Variants in PDE4D observed in about 807,000 individuals in gnomAD.
The protein encoded by PDE4D is 3',5'-cyclic-AMP phosphodiesterase 4D.
PDE4D carries 24 observed loss-of-function variants against 87.4 expected under a neutral mutation model. The observed-to-expected ratio is 0.27, with a 90% CI of 0.20 to 0.39. PDE4D has a LOEUF of 0.39. PDE4D is among the 10% of genes least tolerant of loss of function. PDE4D has a pLI of 1.00. For synonymous variants in PDE4D, 384 were observed against 383.2 expected (o/e 1.00, Z -0.02); for missense variants, 714 against 1,041.0 (o/e 0.69, Z 4.32).
chr5:59,008,945 A>G (rs928671090), intron 6 of PDE4D, among the ~76,000 whole-genome samples: 15 of 152,140 alleles, frequency 9.9e-5, no homozygotes, highest in African/African-American at 3.6e-4. Context: ...TAAGAATCAA[A>G]AAGATCAATA....
intron 1 of PDE4D, among the ~76,000 whole-genome samples, chr5:59,460,090 TAGAA>T (rs145143063): frequency 0.11 from 16,264 of 151,696 alleles, 898 homozygotes; most frequent in Middle Eastern, 0.12. Context: ...TAGACATAAG[TAGAA>T]AGAAAGTAGA....
At chr5:59,502,923 T>G (rs1399440558) in intron 1 of PDE4D, among the ~76,000 whole-genome samples, 6 of 143,408 alleles carry the variant, frequency 4.2e-5, no homozygotes, top group African/African-American at 1.4e-4. Context: ...TTTTTTTTTT[T>G]GCTGAAATTG....
At position 59,518,193 on chromosome 5, in the gene PDE4D, T is replaced by TCGTGTG. The variant is rs35039897; in HGVS notation, c.456-302226_456-302225insCACACG. Among the ~76,000 whole-genome samples the TCGTGTG allele has an allele frequency of 7.3e-3, 1,099 of 149,538 alleles. 6 individuals carry two copies. Among genetic ancestry groups the TCGTGTG allele is most frequent in the South Asian group, 0.016 (74 of 4,674 alleles). On this transcript the variant is annotated intron_variant, in intron 1 of 14. Transcript: ENST00000340635. ...AGTATATATGTATGTACTTGTGTGT[T>TCGTGTG]TGTGTGTGTGTGTGTGTGTGTGTGT...
At chr5:60,235,927 C>T (rs1746375442) in intron 1 of PDE4D, among the ~76,000 whole-genome samples, 1 of 151,876 alleles carries the variant, frequency 6.6e-6, no homozygotes, top group African/African-American at 2.4e-5. Flanking sequence ...TGAAACAATT[C>T]ATCCCCACAC....
Position 60,148,320 on chromosome 5 carries a change from A to G in PDE4D, c.42+37237T>C, listed in dbSNP as rs377605249. ...ATTTAACCAACTGGGGATTAAAAAT[A>G]TTCCACAAAAGTAACAATACAACCA... On this transcript the variant is annotated intron_variant, in intron 2 of 16. Coordinates refer to the PDE4D transcript ENST00000502484. Among the ~76,000 whole-genome samples, 23 of 152,338 alleles carry G rather than the reference A, an allele frequency of 1.5e-4. 1 individual carries two copies. In the East Asian group the frequency reaches 3.5e-3, roughly 23 times the overall value.
At chr5:60,227,520 T>G (rs1394891169) in intron 1 of PDE4D, among the ~76,000 whole-genome samples, 2 of 137,172 alleles carry the variant, frequency 1.5e-5, no homozygotes, top group African/African-American at 2.8e-5. Context: ...GAAATAAGGG[T>G]AGAAGGGAGG....
chr5:58,977,421 T>A, intron 11 of PDE4D, 76 bp from the exon 12 acceptor site: 2 of 1,413,134 alleles, frequency 1.4e-6, no homozygotes, highest in Non-Finnish European at 1.9e-6. Context: ...AATTCTGGAT[T>A]TAGGATGTAA....
At chr5:59,357,085 A>C (rs1373182908) in intron 1 of PDE4D, 2 of 407,398 alleles carry the variant, frequency 4.9e-6, no homozygotes, top group African/African-American at 2.1e-5. Flanking sequence ...TGCTTCACTC[A>C]GGCCTTATCT....
chr5:60,046,414 G>C (rs1381756102), intron 2 of PDE4D, among the ~76,000 whole-genome samples: 1 of 152,172 alleles, frequency 6.6e-6, no homozygotes. Flanking sequence ...TTGAATAGGA[G>C]GGGTGAGAGA....
rs1254220543 is a variant in PDE4D at position 58,988,552 on chromosome 5, G to A, written c.1493C>T (p.Ala498Val). The A allele has an allele frequency of 2.0e-6, 3 of 1,500,698 alleles. No individual in the cohort carries two copies. The highest frequency in any genetic ancestry group is 1.4e-5 in the South Asian group (1 of 73,932). The allele number at this position is 1,500,698 out of a possible 1,614,324, so 93.0% of individuals were successfully genotyped here. A position where few individuals can be genotyped will look rare whatever the true frequency, so the allele number is the denominator to read the frequency against. Residue 498 changes from alanine to valine, a missense_variant, in exon 11 of 15, where the codon GCC becomes GTC. Ala to Val is a moderately conservative substitution (Grantham distance 64). Coordinates refer to ENST00000340635, the MANE Select transcript of PDE4D (RefSeq NM_001104631.2). ...TDLEILAAIF[A>V]SAIHDVDHPG... ...ATGATCTACATCATGTATTGCACTGGCAAAAATTGCTGCAAGAATCTCCAA... is the reference window on the plus strand; with the variant it reads ...ATGATCTACATCATGTATTGCACTGACAAAAATTGCTGCAAGAATCTCCAA...
At chr5:59,689,069 C>T (rs1400815860) in intron 1 of PDE4D, among the ~76,000 whole-genome samples, 1 of 152,112 alleles carries the variant, frequency 6.6e-6, no homozygotes, top group African/African-American at 2.4e-5. Context: ...GAAATTGAGG[C>T]AATAATTAAT....
At chr5:60,097,265 T>TTGTGTGTGTGTGTGTGTGTG (rs57591657) in intron 2 of PDE4D, among the ~76,000 whole-genome samples, 52 of 146,568 alleles carry the variant, frequency 3.5e-4, no homozygotes, top group African/African-American at 9.9e-4. Context: ...TGCTATGAAG[T>TTGTGTGTGTGTGTGTGTGTG]TGTGTGTGTG....
chr5:59,059,630 C>T (rs534409461), intron 5 of PDE4D, among the ~76,000 whole-genome samples: 22 of 152,204 alleles, frequency 1.4e-4, no homozygotes, highest in East Asian at 1.2e-3. Context: ...CAATCTTTAA[C>T]GCTGGAAATC....
At chr5:60,517,376 C>T (rs185124063) in intron 1 of PDE4D, among the ~76,000 whole-genome samples, 9 of 152,350 alleles carry the variant, frequency 5.9e-5, no homozygotes, top group South Asian at 2.1e-4. Flanking sequence ...GAAGCCCCAC[C>T]GTTAGGCCTG....
At chr5:59,215,129 T>C (rs1157119003) in intron 2 of PDE4D, among the ~76,000 whole-genome samples, 1 of 152,076 alleles carries the variant, frequency 6.6e-6, no homozygotes, top group African/African-American at 2.4e-5. Flanking sequence ...ACTGAGAAAA[T>C]GAGCTAGTGA....
chr5:60,460,223 T>A, intron 1 of PDE4D: 1 of 1,419,544 alleles, frequency 7.0e-7, no homozygotes, highest in Non-Finnish European at 9.9e-7. Flanking sequence ...TTTCCAGATT[T>A]CCATTTCATT....
intron 1 of PDE4D, among the ~76,000 whole-genome samples, chr5:59,311,183 T>C (rs887185423): frequency 6.6e-6 from 1 of 151,994 alleles, no homozygotes; most frequent in Non-Finnish European, 1.5e-5. Flanking sequence ...CCAGGATGAA[T>C]GGGGGATGCC....
At chr5:60,035,263 A>C (rs1447955878) in intron 2 of PDE4D, among the ~76,000 whole-genome samples, 1 of 152,150 alleles carries the variant, frequency 6.6e-6, no homozygotes, top group Non-Finnish European at 1.5e-5. Flanking sequence ...CTCAAAAAAA[A>C]AAAAAAAGGG....
intron 2 of PDE4D, among the ~76,000 whole-genome samples, chr5:60,143,603 T>TTTTGTGTGTGTG (rs1780730543): frequency 5.1e-5 from 6 of 117,754 alleles, no homozygotes; most frequent in African/African-American, 1.7e-4. Context: ...AGCTTGGGAA[T>TTTTGTGTGTGTG]TGTGTGTGTG....
Sources: allele counts gnomAD v4.1 joint callset (sites outside exome capture counted in the v4.1 genomes callset), GRCh38; gene constraint gnomAD v4.1.1; transcripts MANE v1.5; gene names NCBI Gene and HGNC (gene_info 2026-07-23, HGNC 2026-07-21).